SGCZ: variants seen among roughly 807,000 people sequenced by gnomAD.
The protein encoded by SGCZ is zeta-sarcoglycan.
In SGCZ, 40 loss-of-function variants were observed where a neutral mutation model predicts 41.3. The observed-to-expected ratio is 0.97, with a 90% CI of 0.75 to 1.26. The LOEUF (loss-of-function observed/expected upper bound fraction) is 1.26, where lower values mean the gene tolerates loss of function less well. Among genes scored for constraint, SGCZ ranks in the 50% most tolerant of loss-of-function variants. The probability of loss-of-function intolerance (pLI) is 0.00; values close to 1 mark genes in which losing one functional copy is unlikely to be tolerated. For synonymous variants in SGCZ, 206 were observed against 137.5 expected (o/e 1.50, Z -3.49); for missense variants, 552 against 369.8 (o/e 1.49, Z -4.04).
intron 1 of SGCZ, among the ~76,000 whole-genome samples, chr8:14,613,092 C>G (rs1380908697): frequency 2.0e-5 from 3 of 152,196 alleles, no homozygotes; most frequent in African/African-American, 7.2e-5. Flanking sequence ...GTGCCCTGCA[C>G]CCCACATGCA....
intron 2 of SGCZ, among the ~76,000 whole-genome samples, chr8:14,407,894 A>C (rs774582445): frequency 1.6e-4 from 25 of 152,186 alleles, no homozygotes; most frequent in Non-Finnish European, 3.4e-4. Flanking sequence ...CTGTCAGGAG[A>C]AAAGGAACCT....
intron 2 of SGCZ, among the ~76,000 whole-genome samples, chr8:14,450,625 A>T (rs765210234): frequency 2.6e-4 from 40 of 152,190 alleles, no homozygotes; most frequent in Non-Finnish European, 4.0e-4. Flanking sequence ...CCAATTTTTT[A>T]AAAAAAGTAT....
chr8:15,191,572 CATT>C (rs906778231), intron 1 of SGCZ, among the ~76,000 whole-genome samples: 2 of 151,208 alleles, frequency 1.3e-5, no homozygotes, highest in African/African-American at 2.4e-5. Flanking sequence ...ACTAATTCAT[CATT>C]GTTTTTGAAA....
At chr8:14,984,376 A>AT (rs1435920388) in intron 1 of SGCZ, among the ~76,000 whole-genome samples, 6 of 152,086 alleles carry the variant, frequency 3.9e-5, no homozygotes, top group Non-Finnish European at 8.8e-5. Flanking sequence ...CATTTCCCTG[A>AT]TTGTCTTATG....
chr8:14,513,024 CT>C (rs919855363), intron 2 of SGCZ, among the ~76,000 whole-genome samples: 1 of 152,276 alleles, frequency 6.6e-6, no homozygotes, highest in African/African-American at 2.4e-5. Flanking sequence ...AGTTCCAAAT[CT>C]TGTTCGTGCC....
At chr8:14,161,624 T>G (rs1406381592) in intron 5 of SGCZ, among the ~76,000 whole-genome samples, 1 of 152,220 alleles carries the variant, frequency 6.6e-6, no homozygotes, top group Non-Finnish European at 1.5e-5. Flanking sequence ...ATTCTAAGTA[T>G]TATGTTCCAA....
At chr8:14,218,521 T>G (rs1806079155) in intron 4 of SGCZ, among the ~76,000 whole-genome samples, 1 of 152,230 alleles carries the variant, frequency 6.6e-6, no homozygotes, top group Non-Finnish European at 1.5e-5. Flanking sequence ...AATATCAGGT[T>G]GATGCAAAAG....
At position 14,237,498 on chromosome 8, in the gene SGCZ, A is replaced by G. The variant is rs554788068; in HGVS notation, c.424+94T>C. On this transcript the variant is annotated intron_variant, in intron 4 of 7. Transcript: ENST00000382080. ...ACTCTGTCTCAAAACAACAACAACA[A>G]CAACAACAACGACAACAACAAGAAC... 1.2e-4 allele frequency: 121 copies of G among 992,318 alleles called. No homozygotes were observed. The African/African-American group carries it at 1.8e-3, about 14-fold the overall frequency. 61.5% of individuals were successfully genotyped at this position (992,318 alleles called of 1,614,324 possible). A position where few individuals can be genotyped will look rare whatever the true frequency, so the allele number is the denominator to read the frequency against.
At chr8:14,764,055 G>C (rs889458210) in intron 1 of SGCZ, among the ~76,000 whole-genome samples, 7 of 152,160 alleles carry the variant, frequency 4.6e-5, no homozygotes, top group African/African-American at 1.7e-4. Context: ...GGCAGGGAAA[G>C]TATAAGAACA....
intron 1 of SGCZ, among the ~76,000 whole-genome samples, chr8:14,945,243 A>G (rs1800403354): frequency 6.6e-6 from 1 of 152,176 alleles, no homozygotes; most frequent in Non-Finnish European, 1.5e-5. Context: ...AATCATAAAT[A>G]AGACAAACTA....
chr8:15,099,957 CAA>C (rs60290285), intron 1 of SGCZ, among the ~76,000 whole-genome samples: 121,490 of 151,740 alleles, frequency 0.8, 49,110 homozygotes, highest in Non-Finnish European at 0.86. Context: ...ACTTCCCTGA[CAA>C]AAAAAAAAGT....
chr8:14,244,070 T>G (rs1798988908), intron 3 of SGCZ, among the ~76,000 whole-genome samples: 1 of 152,208 alleles, frequency 6.6e-6, no homozygotes, highest in Non-Finnish European at 1.5e-5. Context: ...AGATCCAGGC[T>G]ACATGGGTTT....
At chr8:14,669,326 C>G (rs1808019790) in intron 1 of SGCZ, among the ~76,000 whole-genome samples, 2 of 148,742 alleles carry the variant, frequency 1.3e-5, no homozygotes, top group Admixed American at 1.4e-4. Flanking sequence ...CCACTGCACT[C>G]TAGCCTGGAC....
chr8:14,976,026 ATT>A (rs1459853304), intron 1 of SGCZ, among the ~76,000 whole-genome samples: 170 of 143,258 alleles, frequency 1.2e-3, no homozygotes, highest in African/African-American at 4.0e-3. Context: ...ACACATATAT[ATT>A]TTTTTTTTTT....
At chr8:14,220,543 G>C (rs1485779837) in intron 4 of SGCZ, among the ~76,000 whole-genome samples, 1 of 151,840 alleles carries the variant, frequency 6.6e-6, no homozygotes, top group Non-Finnish European at 1.5e-5. Context: ...TTTGAGATTT[G>C]TTTACTTTTC....
intron 1 of SGCZ, among the ~76,000 whole-genome samples, chr8:14,660,084 C>T (rs11988683): frequency 0.34 from 51,640 of 151,942 alleles, 11,321 homozygotes; most frequent in African/African-American, 0.63. Context: ...CTTGCTGGTG[C>T]CTTGAAATCA....
chr8:14,535,199 T>A (rs1320868553), intron 2 of SGCZ, among the ~76,000 whole-genome samples: 2 of 152,002 alleles, frequency 1.3e-5, no homozygotes, highest in Admixed American at 6.6e-5. Flanking sequence ...TTACTTAAAT[T>A]TGAATAGTAA....
At position 14,756,555 on chromosome 8, in the gene SGCZ, A is replaced by T. The variant is rs146954584; in HGVS notation, c.40-201629T>A. On this transcript the variant is annotated intron_variant, in intron 1 of 7. Transcript: ENST00000382080. ...TGCAGATGACTCTAATATGTTTCAA[A>T]CTCTAACATCATTATGAGTTTGCAT... Among the ~76,000 whole-genome samples the T allele has an allele frequency of 3.2e-4, 49 of 152,086 alleles. 1 individual carries two copies. The East Asian group carries it at 8.3e-3, about 26-fold the overall frequency.
chr8:14,984,920 T>C (rs938287843), intron 1 of SGCZ, among the ~76,000 whole-genome samples: 4 of 88,696 alleles, frequency 4.5e-5, no homozygotes, highest in Non-Finnish European at 9.9e-5. Context: ...GCCACCTTCA[T>C]AACTTTTTTT....
Sources: gnomAD v4.1 joint callset for allele counts (sites outside exome capture counted in the v4.1 genomes callset) on GRCh38, gnomAD v4.1.1 for gene constraint, MANE v1.5 for transcripts, NCBI Gene and HGNC (gene_info 2026-07-23, HGNC 2026-07-21) for gene names.